ZNF793: variants seen among roughly 807,000 people sequenced by gnomAD.
ZNF793 encodes the protein zinc finger protein 793.
In ZNF793, 5 loss-of-function variants were observed where a neutral mutation model predicts 12.4. The observed-to-expected ratio is 0.40, with a 90% CI of 0.21 to 0.84. ZNF793 has a LOEUF of 0.84. Among genes scored for constraint, ZNF793 ranks in the 40% least tolerant of loss-of-function variants. The pLI is 0.35. For missense variants in ZNF793, 456 were observed against 495.0 expected, an observed-to-expected ratio of 0.92 and a Z score of 0.75; for synonymous variants, 162 against 172.4, an observed-to-expected ratio of 0.94 and a Z score of 0.47.
chr19:37,507,681 C>CT (rs1219340647), intron 1 of ZNF793, among the ~76,000 whole-genome samples: 2 of 152,104 alleles, frequency 1.3e-5, no homozygotes, highest in Admixed American at 1.3e-4. Context: ...CGGACTGTCA[C>CT]TTGTGGGTGG....
At chr19:37,536,767 T>C in intron 7 of ZNF793, 130 bp from the exon 8 acceptor site, 1 of 993,320 alleles carries the variant, frequency 1.0e-6, no homozygotes. Flanking sequence ...CATAGAACAC[T>C]CTTCCCTGCG....
chr19:37,510,124 G>A (rs1380224045), intron 2 of ZNF793, among the ~76,000 whole-genome samples: 6 of 152,114 alleles, frequency 3.9e-5, no homozygotes, highest in African/African-American at 1.4e-4. Context: ...GCTTTGGAAG[G>A]CTGGGGTAGG....
At chr19:37,525,172 T>G (rs1250295161) in intron 5 of ZNF793, among the ~76,000 whole-genome samples, 1 of 151,836 alleles carries the variant, frequency 6.6e-6, no homozygotes, top group Non-Finnish European at 1.5e-5. Flanking sequence ...AGTCTTGCTC[T>G]CTGTCGCCCA....
chr19:37,522,359 G>A (rs1257410195), intron 3 of ZNF793, among the ~76,000 whole-genome samples, 173 bp from the exon 4 acceptor site: 3 of 151,908 alleles, frequency 2.0e-5, no homozygotes, highest in East Asian at 1.9e-4. Flanking sequence ...CAGCACACCC[G>A]GCAAATTTTT....
chr19:37,521,189 G>A (rs902430371), intron 3 of ZNF793, among the ~76,000 whole-genome samples: 2 of 151,926 alleles, frequency 1.3e-5, no homozygotes, highest in Admixed American at 6.6e-5. Flanking sequence ...GGGTTTCACC[G>A]TGTTAGCCAG....
At chr19:37,516,452 T>C (rs1015937408) in intron 2 of ZNF793, among the ~76,000 whole-genome samples, 3 of 151,348 alleles carry the variant, frequency 2.0e-5, no homozygotes, top group African/African-American at 7.3e-5. Context: ...AGTTTTAAGA[T>C]TGTGACTGAG....
chr19:37,524,712 T>G (rs1159237327), intron 5 of ZNF793, among the ~76,000 whole-genome samples: 1 of 152,212 alleles, frequency 6.6e-6, no homozygotes, highest in African/African-American at 2.4e-5. Flanking sequence ...GGGCGTCTCC[T>G]GGGAGCCTGT....
At chr19:37,518,421 C>T (rs979742435) in intron 2 of ZNF793, among the ~76,000 whole-genome samples, 1 of 152,010 alleles carries the variant, frequency 6.6e-6, no homozygotes, top group Non-Finnish European at 1.5e-5. Context: ...AGAAATGGCA[C>T]CTGGCCTCCA....
chr19:37,517,557 C>G (rs1184871675), intron 2 of ZNF793, among the ~76,000 whole-genome samples: 1 of 151,968 alleles, frequency 6.6e-6, no homozygotes, highest in Non-Finnish European at 1.5e-5. Context: ...GTTATAAACC[C>G]AAGCGCCACA....
At position 37,537,435 on chromosome 19, in the gene ZNF793, C is replaced by T. The variant is rs770778613; in HGVS notation, c.777C>T (p.Asp259=). The stretch of plus-strand genomic sequence containing the variant: ...GGGAGAAGCCTTATGGCTGCACTGA[C>T]TGTGGGAAAGCCTTTTCACATAAGT... ...HTGEKPYGCT[D]CGKAFSHKST... is the part of the protein sequence containing the mutation. The change falls in exon 8 of 8, where the codon GAC becomes GAT. Residue 259 remains aspartate, a synonymous_variant. Transcript: ENST00000627814. 1 of 1,613,460 alleles carries T rather than the reference C, an allele frequency of 6.2e-7. No homozygotes were observed. The highest frequency in any genetic ancestry group is 1.1e-5 in the South Asian group (1 of 91,004).
chr19:37,533,490 G>C (rs765137061), intron 7 of ZNF793, 87 bp downstream of exon 7: 5 of 1,206,448 alleles, frequency 4.1e-6, no homozygotes, highest in East Asian at 4.8e-5. Context: ...TAAAAGCCTT[G>C]AAAGTCCTCC....
chr19:37,533,455 G>A (rs760849590), intron 7 of ZNF793, 52 bp downstream of exon 7: 2 of 1,529,890 alleles, frequency 1.3e-6, no homozygotes. Context: ...TGGCACCTTT[G>A]GAATTTTGTT....
At chr19:37,536,865 T>G (rs776513188) in intron 7 of ZNF793, 32 bp from the exon 8 acceptor site, 1 of 1,557,258 alleles carries the variant, frequency 6.4e-7, no homozygotes, top group African/African-American at 1.4e-5. Context: ...AGTATGAAGT[T>G]TCATAAGGAT....
rs1271311121 is a variant in ZNF793 at position 37,538,373 on chromosome 19, C to T, written c.*494C>T. ...TCGGCTCACTGTAACCTCAGCCTCC[C>T]AGGTTCAAGCAGTTCTCCTGCCTCA... On this transcript the variant is annotated 3_prime_UTR_variant, in exon 8 of 8. Coordinates refer to ENST00000627814, the MANE Select transcript of ZNF793 (RefSeq NM_001013659.3). The T allele has an allele frequency of 2.0e-5, 3 of 152,596 alleles. No homozygotes were observed. The highest frequency in any genetic ancestry group is 7.2e-5 in the African/African-American group (3 of 41,392). 9.5% of individuals were successfully genotyped at this position (152,596 alleles called of 1,614,324 possible).
chr19:37,521,591 G>A (rs1487765328), intron 3 of ZNF793, among the ~76,000 whole-genome samples: 2 of 151,570 alleles, frequency 1.3e-5, no homozygotes, highest in East Asian at 3.9e-4. Context: ...TTATAGGCAC[G>A]CTTCACCACG....
chr19:37,523,109 C>A (rs1467335031), intron 4 of ZNF793, among the ~76,000 whole-genome samples: 1 of 152,142 alleles, frequency 6.6e-6, no homozygotes, highest in African/African-American at 2.4e-5. Flanking sequence ...GCAGCTTTGA[C>A]CTCCTAGGCT....
At chr19:37,516,219 C>T (rs940337212) in intron 2 of ZNF793, among the ~76,000 whole-genome samples, 10 of 152,206 alleles carry the variant, frequency 6.6e-5, no homozygotes, top group Non-Finnish European at 1.5e-5. Context: ...ACTGCAACCT[C>T]CACCTCCTGG....
Position 37,538,136 on chromosome 19 carries a change from C to A in ZNF793, c.*257C>A, listed in dbSNP as rs545473392. 2.8e-5 allele frequency: 10 copies of A among 351,252 alleles called. No homozygotes were observed. The highest frequency in any genetic ancestry group is 8.3e-4 in the Middle Eastern group (1 of 1,200). The allele number at this position is 351,252 out of a possible 1,614,324, so 21.8% of individuals were successfully genotyped here. A position where few individuals can be genotyped will look rare whatever the true frequency, so the allele number is the denominator to read the frequency against. ...TTCACCGTGTTAGCCAGGATGGTCTCGATCTCCTGACCTTGTGATCTGCCC... is the reference window on the plus strand; with the variant it reads ...TTCACCGTGTTAGCCAGGATGGTCTAGATCTCCTGACCTTGTGATCTGCCC... On this transcript the variant is annotated 3_prime_UTR_variant, in exon 8 of 8. Transcript: ENST00000627814.
intron 7 of ZNF793, chr19:37,533,695 TTC>T (rs1306252721): frequency 2.1e-6 from 1 of 479,810 alleles, no homozygotes; most frequent in African/African-American, 2.0e-5. Context: ...CTGCTTCCTA[TTC>T]TCTGTTGTGA....
Sources: allele counts gnomAD v4.1 joint callset (sites outside exome capture counted in the v4.1 genomes callset), GRCh38; gene constraint gnomAD v4.1.1; transcripts MANE v1.5; gene names NCBI Gene and HGNC (gene_info 2026-07-23, HGNC 2026-07-21).